The following GRK3 variants were observed in gnomAD, a reference collection of about 807,000 sequenced individuals.
GRK3 encodes the protein adrenergic, beta, receptor kinase 2.
In GRK3, 54 loss-of-function variants were observed where a neutral mutation model predicts 95.7. That is an observed-to-expected ratio of 0.56 (90% CI 0.45 to 0.71). The LOEUF is 0.71. GRK3 is among the 30% of genes least tolerant of loss of function. The probability of loss-of-function intolerance (pLI) is 0.00; values close to 1 mark genes in which losing one functional copy is unlikely to be tolerated. For missense variants in GRK3, 649 were observed against 851.2 expected (o/e 0.76, Z 2.96); for synonymous variants, 281 against 290.8 (o/e 0.97, Z 0.34).
chr22:25,608,726 T>C (rs2084471757), intron 2 of GRK3, among the ~76,000 whole-genome samples: 1 of 152,232 alleles, frequency 6.6e-6, no homozygotes, highest in South Asian at 2.1e-4. Context: ...GGCAGATTCC[T>C]ACTTGGAGCC....
intron 2 of GRK3, among the ~76,000 whole-genome samples, chr22:25,626,105 C>G (rs995445800): frequency 2.0e-5 from 3 of 152,104 alleles, no homozygotes; most frequent in African/African-American, 7.2e-5. Context: ...GGGGAGAGAC[C>G]CACTGACCCT....
At chr22:25,638,480 G>T (rs1033300897) in intron 2 of GRK3, among the ~76,000 whole-genome samples, 1 of 152,178 alleles carries the variant, frequency 6.6e-6, no homozygotes, top group Non-Finnish European at 1.5e-5. Context: ...CATGGATTAC[G>T]TGTTCCCTTT....
At chr22:25,635,495 C>T (rs1056308709) in intron 2 of GRK3, among the ~76,000 whole-genome samples, 6 of 152,124 alleles carry the variant, frequency 3.9e-5, no homozygotes, top group African/African-American at 7.2e-5. Context: ...TATAATTTTT[C>T]CTGGTTCAGG....
chr22:25,613,794 C>T lies in GRK3; in HGVS notation c.190+9341C>T, dbSNP rs541835288. ...TGGGCTGGGAGCCGCCACATGCCCCCGCAGTGCAGCCTCTGCAGCTCTGAA... is the reference window on the plus strand; with the variant it reads ...TGGGCTGGGAGCCGCCACATGCCCCTGCAGTGCAGCCTCTGCAGCTCTGAA... On this transcript the variant is annotated intron_variant, in intron 2 of 20. Transcript: ENST00000324198. 6.6e-5 allele frequency among the ~76,000 whole-genome samples: 10 copies of T among 152,308 alleles called. No homozygotes were observed. The South Asian group carries it at 8.3e-4, about 13-fold the overall frequency.
chr22:25,568,977 A>T (rs1199659818), intron 1 of GRK3, among the ~76,000 whole-genome samples: 1 of 152,186 alleles, frequency 6.6e-6, no homozygotes, highest in Non-Finnish European at 1.5e-5. Context: ...CATGTAATTG[A>T]TCTTTAAAAA....
intron 1 of GRK3, among the ~76,000 whole-genome samples, chr22:25,576,436 G>T (rs1931901287): frequency 6.6e-6 from 1 of 152,198 alleles, no homozygotes; most frequent in South Asian, 2.1e-4. Context: ...TATAGTTCAT[G>T]AAACCACTGC....
chr22:25,599,035 TTAGA>T (rs2084390632), intron 1 of GRK3, among the ~76,000 whole-genome samples: 1 of 152,126 alleles, frequency 6.6e-6, no homozygotes, highest in African/African-American at 2.4e-5. Context: ...CCAAAATCCC[TTAGA>T]TATTTATCTC....
chr22:25,719,890 C>G (rs563997814), intron 19 of GRK3, among the ~76,000 whole-genome samples: 64 of 152,294 alleles, frequency 4.2e-4, no homozygotes, highest in African/African-American at 1.5e-3. Context: ...GCAAAGTTTT[C>G]ATTCAATTAT....
chr22:25,644,348 G>C (rs1354895309), intron 2 of GRK3, among the ~76,000 whole-genome samples: 1 of 151,980 alleles, frequency 6.6e-6, no homozygotes, highest in Admixed American at 6.5e-5. Context: ...GGAAAGTGGG[G>C]GGCGGGGGTG....
chr22:25,699,699 C>CTTTTCT (rs2085241758), intron 13 of GRK3, among the ~76,000 whole-genome samples: 1 of 129,244 alleles, frequency 7.7e-6, no homozygotes, highest in South Asian at 2.4e-4. Flanking sequence ...CTTTTCTTTT[C>CTTTTCT]TTTTTTTTTT....
In GRK3 at chr22:25,725,610, T is replaced by C; in HGVS notation, c.*3160T>C. 1 of 398,598 alleles carries C rather than the reference T, an allele frequency of 2.5e-6. No homozygotes were observed. The highest frequency in any genetic ancestry group is 4.4e-6 in the Non-Finnish European group (1 of 226,070). 24.7% of individuals were successfully genotyped at this position (398,598 alleles called of 1,614,324 possible). On this transcript the variant is annotated 3_prime_UTR_variant, in exon 21 of 21. Coordinates refer to ENST00000324198, the MANE Select transcript of GRK3 (RefSeq NM_005160.4). The stretch of plus-strand genomic sequence containing the variant: ...TCATGCAAAGTGCTCATGCCTCTGA[T>C]TGGTCCATTCACTGACGTGACAATT...
At chr22:25,583,317 A>G (rs1406316929) in intron 1 of GRK3, among the ~76,000 whole-genome samples, 2 of 152,046 alleles carry the variant, frequency 1.3e-5, no homozygotes, top group Non-Finnish European at 2.9e-5. Flanking sequence ...AAGTCAGTCC[A>G]AAAGTGGAGG....
chr22:25,682,090 G>A (rs188119716), intron 9 of GRK3, among the ~76,000 whole-genome samples: 9 of 152,160 alleles, frequency 5.9e-5, no homozygotes, highest in Admixed American at 2.6e-4. Context: ...ATTTTACATC[G>A]AGTCAAAGAT....
At chr22:25,610,758 C>T (rs2084490687) in intron 2 of GRK3, among the ~76,000 whole-genome samples, 1 of 152,214 alleles carries the variant, frequency 6.6e-6, no homozygotes, top group African/African-American at 2.4e-5. Flanking sequence ...GCTTCTTTAA[C>T]TTAGCATAAG....
At chr22:25,677,403 A>G (rs1184548087) in intron 8 of GRK3, among the ~76,000 whole-genome samples, 1 of 146,352 alleles carries the variant, frequency 6.8e-6, no homozygotes, top group African/African-American at 2.5e-5. Context: ...AAAAAAAAAG[A>G]AAAGGAAAAA....
intron 1 of GRK3, among the ~76,000 whole-genome samples, chr22:25,589,112 T>TA: frequency 6.6e-6 from 1 of 152,364 alleles, no homozygotes; most frequent in Non-Finnish European, 1.5e-5. Flanking sequence ...TGTTCAACCT[T>TA]TATGACTACC....
chr22:25,661,779 T>C, intron 4 of GRK3, 102 bp downstream of exon 4: 2 of 660,228 alleles, frequency 3.0e-6, no homozygotes, highest in Non-Finnish European at 5.0e-6. Flanking sequence ...TGTTTAAAAT[T>C]GAAAAATGCA....
chr22:25,649,233 T>C (rs2084810336), intron 3 of GRK3: 1 of 1,230,864 alleles, frequency 8.1e-7, no homozygotes, highest in Non-Finnish European at 1.2e-6. Flanking sequence ...AGAAAACTTC[T>C]AATTCAAGTA....
chr22:25,720,566 T>C (rs1173810715), intron 19 of GRK3, among the ~76,000 whole-genome samples: 1 of 132,224 alleles, frequency 7.6e-6, no homozygotes, highest in Non-Finnish European at 1.6e-5. Flanking sequence ...AACCTCCACC[T>C]CCTGCGTTCA....
Sources: gnomAD v4.1 joint callset for allele counts (sites outside exome capture counted in the v4.1 genomes callset) on GRCh38, gnomAD v4.1.1 for gene constraint, MANE v1.5 for transcripts, NCBI Gene and HGNC (gene_info 2026-07-23, HGNC 2026-07-21) for gene names.